Variants in RCAN1 observed in about 807,000 individuals in gnomAD.
RCAN1 encodes the protein regulator of calcineurin 1, also known as calcipressin-1.
In RCAN1, 11 loss-of-function variants were observed where a neutral mutation model predicts 22.9. The ratio of observed to expected loss-of-function variants is 0.48; its 90% CI spans 0.30 to 0.79. RCAN1 has a LOEUF of 0.79. RCAN1 is among the 30% of genes least tolerant of loss of function. The pLI is 0.06. For synonymous variants in RCAN1, 136 were observed against 142.3 expected (o/e 0.96, Z 0.32); for missense variants, 291 against 337.8 (o/e 0.86, Z 1.09).
At chr21:34,533,648 G>A (rs913161378) in intron 1 of RCAN1, among the ~76,000 whole-genome samples, 2 of 152,108 alleles carry the variant, frequency 1.3e-5, no homozygotes, top group Non-Finnish European at 2.9e-5. Flanking sequence ...TTCCAGATGG[G>A]GAAAAAAGAC....
chr21:34,534,908 A>G (rs1447638344), intron 1 of RCAN1, among the ~76,000 whole-genome samples: 1 of 152,222 alleles, frequency 6.6e-6, no homozygotes, highest in African/African-American at 2.4e-5. Context: ...GCCCGACCAC[A>G]TGGACACTGC....
At chr21:34,542,775 G>A (rs1985971968) in intron 1 of RCAN1, among the ~76,000 whole-genome samples, 1 of 152,192 alleles carries the variant, frequency 6.6e-6, no homozygotes. Flanking sequence ...TGAGTAAGCA[G>A]GGTCCTTAGT....
intron 2 of RCAN1, chr21:34,523,103 C>G (rs1249487730): frequency 1.9e-5 from 3 of 154,350 alleles, no homozygotes; most frequent in Non-Finnish European, 4.3e-5. Flanking sequence ...TCTGCAGACT[C>G]CTGTTTCTCT....
At chr21:34,549,615 T>C (rs1379865697) in intron 1 of RCAN1, among the ~76,000 whole-genome samples, 3 of 152,160 alleles carry the variant, frequency 2.0e-5, no homozygotes, top group African/African-American at 7.2e-5. Flanking sequence ...TTGTTTTTAA[T>C]ATACATCAAG....
intron 1 of RCAN1, among the ~76,000 whole-genome samples, chr21:34,610,284 G>A (rs1042191080): frequency 2.0e-5 from 3 of 152,170 alleles, no homozygotes; most frequent in East Asian, 1.9e-4. Context: ...GATGTCCTGC[G>A]ACCAGAAAAC....
intron 1 of RCAN1, among the ~76,000 whole-genome samples, chr21:34,580,075 C>A (rs1001890517): frequency 6.6e-6 from 1 of 152,188 alleles, no homozygotes; most frequent in East Asian, 1.9e-4. Context: ...TTCAGACCCA[C>A]CGTGTCTGCA....
intron 1 of RCAN1, among the ~76,000 whole-genome samples, chr21:34,530,616 G>GTTGTTTTTTTT (rs1985325221): frequency 6.0e-5 from 4 of 66,194 alleles, no homozygotes; most frequent in Admixed American, 2.0e-4. Context: ...TAGTGAAATA[G>GTTGTTTTTTTT]TTTTTTTTTT....
At chr21:34,563,743 A>C (rs1169971347) in intron 1 of RCAN1, among the ~76,000 whole-genome samples, 1 of 112,896 alleles carries the variant, frequency 8.9e-6, no homozygotes. Context: ...ACCCATCTCT[A>C]CTAAAAATAC....
At chr21:34,601,835 A>G (rs913369948) in intron 1 of RCAN1, among the ~76,000 whole-genome samples, 8 of 146,888 alleles carry the variant, frequency 5.4e-5, no homozygotes, top group East Asian at 3.9e-4. Context: ...AAAAAAAAAA[A>G]AAGAAGGTGA....
intron 1 of RCAN1, among the ~76,000 whole-genome samples, chr21:34,601,155 A>G (rs1031672844): frequency 1.3e-5 from 2 of 152,242 alleles, no homozygotes; most frequent in African/African-American, 4.8e-5. Context: ...AGTGCCTACT[A>G]TGTGGCAGGC....
At chr21:34,574,987 G>C (rs1328015902) in intron 1 of RCAN1, among the ~76,000 whole-genome samples, 1 of 149,908 alleles carries the variant, frequency 6.7e-6, no homozygotes, top group Admixed American at 7.3e-5. Flanking sequence ...AAATGTCAAC[G>C]CATGGCTGAT....
At chr21:34,545,487 T>A (rs995407595) in intron 1 of RCAN1, among the ~76,000 whole-genome samples, 1 of 152,172 alleles carries the variant, frequency 6.6e-6, no homozygotes, top group Non-Finnish European at 1.5e-5. Flanking sequence ...ATGTGGGGCA[T>A]GGGTGAAAGG....
intron 1 of RCAN1, among the ~76,000 whole-genome samples, chr21:34,572,076 T>A (rs1274729881): frequency 6.6e-6 from 1 of 152,116 alleles, no homozygotes; most frequent in Non-Finnish European, 1.5e-5. Flanking sequence ...GGATGGAAAA[T>A]CTGCAGAATT....
chr21:34,605,149 C>T (rs1429522980), intron 1 of RCAN1, among the ~76,000 whole-genome samples: 1 of 152,226 alleles, frequency 6.6e-6, no homozygotes, highest in Non-Finnish European at 1.5e-5. Context: ...AAGGCGGACC[C>T]ACCCTCTATC....
intron 1 of RCAN1, among the ~76,000 whole-genome samples, chr21:34,604,988 G>T (rs1282270524): frequency 6.6e-6 from 1 of 152,218 alleles, no homozygotes; most frequent in African/African-American, 2.4e-5. Flanking sequence ...TGCCTGGCAC[G>T]CCATCGGCAT....
intron 1 of RCAN1, among the ~76,000 whole-genome samples, chr21:34,564,889 A>G (rs781142252): frequency 2.0e-5 from 3 of 152,128 alleles, no homozygotes; most frequent in Non-Finnish European, 4.4e-5. Flanking sequence ...GAAAACTTGT[A>G]TGACTGTTGG....
chr21:34,530,185 A>G (rs1399007385), intron 1 of RCAN1, among the ~76,000 whole-genome samples: 1 of 152,228 alleles, frequency 6.6e-6, no homozygotes, highest in Non-Finnish European at 1.5e-5. Flanking sequence ...GTTAAAGTAA[A>G]TGAATGTTTT....
At chr21:34,610,665 A>C (rs2123738490) in intron 1 of RCAN1, among the ~76,000 whole-genome samples, 1 of 152,328 alleles carries the variant, frequency 6.6e-6, no homozygotes, top group East Asian at 1.9e-4. Flanking sequence ...GGAGCTTTCC[A>C]GGCGATTCCC....
intron 1 of RCAN1, among the ~76,000 whole-genome samples, chr21:34,573,878 C>T (rs1346546264): frequency 3.3e-5 from 5 of 152,114 alleles, no homozygotes; most frequent in Non-Finnish European, 5.9e-5. Flanking sequence ...CATTGCTTTT[C>T]TAATTAGAAA....
Sources: allele counts gnomAD v4.1 joint callset (sites outside exome capture counted in the v4.1 genomes callset), GRCh38; gene constraint gnomAD v4.1.1; transcripts MANE v1.5; gene names NCBI Gene and HGNC (gene_info 2026-07-23, HGNC 2026-07-21).